The following CFAP44 variants were observed in gnomAD, a reference collection of about 807,000 sequenced individuals.
CFAP44 encodes cilia and flagella associated protein 44.
CFAP44 carries 134 observed loss-of-function variants against 216.2 expected under a neutral mutation model. The ratio of observed to expected loss-of-function variants is 0.62; its 90% CI spans 0.54 to 0.72. CFAP44 has a LOEUF of 0.72. CFAP44 is among the 30% of genes least tolerant of loss of function. The pLI, the probability that CFAP44 is intolerant of heterozygous loss-of-function variation, is 0.00. For missense variants in CFAP44, 2,035 were observed against 2,182.1 expected, an observed-to-expected ratio of 0.93 and a Z score of 1.34; for synonymous variants, 700 against 727.6, an observed-to-expected ratio of 0.96 and a Z score of 0.61.
At chr3:113,344,212 CA>C (rs1322135843) in intron 23 of CFAP44, among the ~76,000 whole-genome samples, 2 of 151,936 alleles carry the variant, frequency 1.3e-5, no homozygotes, top group Non-Finnish European at 2.9e-5. Flanking sequence ...AGTAAGAAAA[CA>C]GCAGCATCCA....
In CFAP44 at chr3:113,330,371, C is replaced by T; in HGVS notation, c.3913G>A (p.Gly1305Arg). 3.3e-6 allele frequency: 5 copies of T among 1,537,292 alleles called. No homozygotes were observed. The highest frequency in any genetic ancestry group is 4.4e-6 in the Non-Finnish European group (5 of 1,146,910). ...EQTGSGGPVG[G>R]FLKLSSRKDG... ...TTTCTAGAAGAGAGTTTGAGGAATC[C>T]TCCAACTGGGCCTCCAGACCCTGTC... The change falls in exon 26 of 35, where the codon GGA becomes AGA. Residue 1305 changes from glycine (G) to arginine (R), a missense_variant. Transcript: ENST00000393845.
chr3:113,387,944 G>C (rs1365350560), intron 15 of CFAP44, among the ~76,000 whole-genome samples: 1 of 152,054 alleles, frequency 6.6e-6, no homozygotes, highest in Non-Finnish European at 1.5e-5. Flanking sequence ...GCAGCCTTGG[G>C]AAGAGACTTC....
rs935926876 is a variant in CFAP44 at position 113,287,943 on chromosome 3, G to A, written c.*3614C>T. ...AGTTTAAAATCAACATTTACTTACT[G>A]TTGTCCAACCAAAGGATCAACCATA... On this transcript the variant is annotated 3_prime_UTR_variant, in exon 35 of 35. Coordinates refer to ENST00000393845, the MANE Select transcript of CFAP44 (RefSeq NM_001164496.2). The A allele has an allele frequency of 6.6e-6, 1 of 152,158 alleles. No homozygotes were observed. The highest frequency in any genetic ancestry group is 2.4e-5 in the African/African-American group (1 of 41,430). The allele number at this position is 152,158 out of a possible 1,614,324, so 9.4% of individuals were successfully genotyped here.
chr3:113,327,708 G>T lies in CFAP44; in HGVS notation c.4228C>A (p.Gln1410Lys). 1 of 1,536,964 alleles carries T rather than the reference G, an allele frequency of 6.5e-7. No homozygotes were observed. Among genetic ancestry groups the T allele is most frequent in the South Asian group, 1.2e-5 (1 of 84,042 alleles). ...LSDLHHVTLF[Q>K]EILLLKNFEK... ...AAATTCTTCAGGAGAAGTATTTCTTGAAATAAGGTGACATGGTGCAGGTCA... is the reference window on the plus strand; with the variant it reads ...AAATTCTTCAGGAGAAGTATTTCTTTAAATAAGGTGACATGGTGCAGGTCA... Residue 1410 changes from glutamine (Q) to lysine (K), a missense_variant, in exon 27 of 35, where the codon CAA (glutamine) becomes AAA (lysine). Gln to Lys is a moderately conservative substitution (Grantham distance 53). This residue lies in a region of CFAP44 where 1,883 missense variants were observed against 2,023.7 expected (regional missense o/e 0.93). Transcript: ENST00000393845.
Position 113,384,198 on chromosome 3 carries a change from G to T in CFAP44, c.1891-3138C>A, listed in dbSNP as rs146277401. 9.7e-3 allele frequency among the ~76,000 whole-genome samples: 1,482 copies of T among 152,008 alleles called. 18 individuals carry two copies. Among genetic ancestry groups the T allele is most frequent in the African/African-American group, 0.034 (1,402 of 41,458 alleles). On this transcript the variant is annotated intron_variant, in intron 15 of 34. Coordinates refer to ENST00000393845, the MANE Select transcript of CFAP44 (RefSeq NM_001164496.2). The stretch of plus-strand genomic sequence containing the variant: ...CTCAGCCTCCCAAGTAGGTGGGACT[G>T]CAGGTGCCCGCCACCACGCCTGGGT...
intron 28 of CFAP44, among the ~76,000 whole-genome samples, chr3:113,310,717 A>G (rs1360117205): frequency 6.6e-6 from 1 of 152,062 alleles, no homozygotes; most frequent in Non-Finnish European, 1.5e-5. Flanking sequence ...ATCATCAGGG[A>G]GGAATCCCTC....
chr3:113,367,824 G>A (rs1262855967), intron 18 of CFAP44, among the ~76,000 whole-genome samples: 3 of 151,978 alleles, frequency 2.0e-5, no homozygotes, highest in Non-Finnish European at 4.4e-5. Flanking sequence ...CCATTGCAAA[G>A]AAGCTAAAAA....
chr3:113,432,898 T>C (rs1040192514), intron 2 of CFAP44, among the ~76,000 whole-genome samples: 1 of 152,242 alleles, frequency 6.6e-6, no homozygotes. Flanking sequence ...TACATGCATC[T>C]ATCAGATAAT....
At chr3:113,400,340 A>AT (rs1934107790) in intron 12 of CFAP44, among the ~76,000 whole-genome samples, 1 of 152,002 alleles carries the variant, frequency 6.6e-6, no homozygotes, top group Non-Finnish European at 1.5e-5. Flanking sequence ...CAATTTACAG[A>AT]TTTTGTCCTT....
At chr3:113,330,718 A>G in intron 25 of CFAP44, 50 bp from the exon 26 acceptor site, 6 of 1,475,934 alleles carry the variant, frequency 4.1e-6, no homozygotes, top group Non-Finnish European at 5.3e-6. Context: ...CTGACAAATA[A>G]CTGTATGGAA....
At chr3:113,357,342 C>G (rs972992102) in intron 22 of CFAP44, among the ~76,000 whole-genome samples, 1 of 152,078 alleles carries the variant, frequency 6.6e-6, no homozygotes, top group African/African-American at 2.4e-5. Flanking sequence ...GAGATAATGA[C>G]AGCAGGCCTT....
intron 28 of CFAP44, among the ~76,000 whole-genome samples, chr3:113,309,090 G>A (rs1950013484): frequency 6.6e-6 from 1 of 152,122 alleles, no homozygotes; most frequent in Non-Finnish European, 1.5e-5. Context: ...ACTTGAGTCA[G>A]GCTTCTCTGA....
intron 15 of CFAP44, among the ~76,000 whole-genome samples, chr3:113,386,638 G>A (rs756952650): frequency 5.9e-5 from 9 of 152,304 alleles, no homozygotes; most frequent in Non-Finnish European, 1.2e-4. Flanking sequence ...AGGAGGCAGA[G>A]CAAGATGGCT....
chr3:113,406,242 C>T lies in CFAP44; in HGVS notation c.1005+685G>A, dbSNP rs11926656. ...TTGCTCTTTCTGAGTAATAATCTGA[C>T]AATAAAAATAAATGCCACATGGTTG... On this transcript the variant is annotated intron_variant, in intron 8 of 34. Transcript: ENST00000393845. Among the ~76,000 whole-genome samples, 1,353 of 152,178 alleles carry T rather than the reference C, an allele frequency of 8.9e-3. 18 individuals are homozygous for T. Among genetic ancestry groups the T allele is most frequent in the African/African-American group, 0.03 (1,262 of 41,508 alleles).
chr3:113,373,443 T>C lies in CFAP44; in HGVS notation c.2412A>G (p.Thr804=). 2 of 1,602,764 alleles carry C rather than the reference T, an allele frequency of 1.2e-6. No individual in the cohort carries two copies. Among genetic ancestry groups the C allele is most frequent in the South Asian group, 1.1e-5 (1 of 88,954 alleles). Residue 804 remains threonine, a synonymous_variant, in exon 18 of 35, where the codon ACA becomes ACG. Coordinates refer to ENST00000393845, the MANE Select transcript of CFAP44 (RefSeq NM_001164496.2). ...TGATAGTTTGGATGGGATTGTCCTC[T>C]GTATCCGCAAGATAACGGACATCAA... ...EPIDVRYLAD[T]EDNPIQTITF...
intron 15 of CFAP44, among the ~76,000 whole-genome samples, chr3:113,384,991 A>G (rs920175422): frequency 2.0e-5 from 3 of 152,178 alleles, no homozygotes; most frequent in African/African-American, 7.2e-5. Context: ...ATGTCATGGG[A>G]GGGACCTGGT....
chr3:113,297,779 T>G (rs1231259976), intron 32 of CFAP44, among the ~76,000 whole-genome samples: 2 of 152,244 alleles, frequency 1.3e-5, no homozygotes, highest in African/African-American at 2.4e-5. Flanking sequence ...GTAACAGGAC[T>G]TTCTCAATGA....
chr3:113,305,028 C>T lies in CFAP44; in HGVS notation c.4875+8G>A, dbSNP rs566414890. ...GACAGGATGGAGCAGCCTCCCCAGA[C>T]GCATCACCTGGTGGAGCTTGAGCGG... is the stretch of plus-strand genomic sequence containing the variant. On this transcript the variant is annotated splice_region_variant and intron_variant, in intron 31 of 34. Coordinates refer to ENST00000393845, the MANE Select transcript of CFAP44 (RefSeq NM_001164496.2). 6.2e-5 allele frequency: 95 copies of T among 1,536,704 alleles called. No individual in the cohort carries two copies. The highest frequency in any genetic ancestry group is 1.7e-4 in the Middle Eastern group (1 of 5,918).
At chr3:113,419,587 C>CTATGTCTA (rs1934752361) in intron 5 of CFAP44, among the ~76,000 whole-genome samples, 1 of 152,164 alleles carries the variant, frequency 6.6e-6, no homozygotes, top group South Asian at 2.1e-4. Context: ...TATCCTGTTT[C>CTATGTCTA]CATAGTCAAT....
Sources: allele counts gnomAD v4.1 joint callset (sites outside exome capture counted in the v4.1 genomes callset), GRCh38; gene constraint gnomAD v4.1.1; regional missense constraint gnomAD v4.1.1; transcripts MANE v1.5; gene names NCBI Gene and HGNC (gene_info 2026-07-23, HGNC 2026-07-21).